KLF15: variants seen among roughly 807,000 people sequenced by gnomAD.
KLF15 encodes Krueppel-like factor 15.
Under a neutral mutation model 24.6 loss-of-function variants are expected in KLF15, and 4 were observed. The observed-to-expected ratio is 0.16, with a 90% confidence interval of 0.08 to 0.37. The LOEUF (loss-of-function observed/expected upper bound fraction) is 0.37, where lower values mean the gene tolerates loss of function less well. Ranked by LOEUF, KLF15 falls within the 10% of genes least tolerant of loss-of-function variation. KLF15 has a pLI of 1.00. For missense variants in KLF15, 496 were observed against 560.6 expected (o/e 0.88, Z 1.16); for synonymous variants, 246 against 236.3 (o/e 1.04, Z -0.37).
At chr3:126,302,819 T>C in the KLF15 span, among the ~76,000 whole-genome samples, 1 of 152,170 alleles carries the variant, frequency 6.6e-6, no homozygotes, top group Non-Finnish European at 1.5e-5. Flanking sequence ...TATAGTAGCA[T>C]ACACTTGAGT....
chr3:126,291,268 T>C, the KLF15 span: 2 of 152,106 alleles, frequency 1.3e-5, no homozygotes, highest in Non-Finnish European at 2.9e-5. Context: ...AGGGCAAAAA[T>C]AGAAGACTTG....
At chr3:126,332,149 C>T in the KLF15 span, among the ~76,000 whole-genome samples, 6 of 152,182 alleles carry the variant, frequency 3.9e-5, no homozygotes, top group African/African-American at 1.4e-4. Context: ...CAGCAGTAAC[C>T]TCTGCAGACT....
At chr3:126,308,327 A>G in the KLF15 span, among the ~76,000 whole-genome samples, 1 of 152,156 alleles carries the variant, frequency 6.6e-6, no homozygotes, top group South Asian at 2.1e-4. Context: ...ATGGGGAGGC[A>G]GGGCCGGCCT....
intron 2 of KLF15, among the ~76,000 whole-genome samples, chr3:126,350,352 C>T (rs893832403): frequency 6.6e-6 from 1 of 152,200 alleles, no homozygotes; most frequent in Non-Finnish European, 1.5e-5. Flanking sequence ...AGGGTGGGCT[C>T]TCACAGAAGC....
Position 126,343,576 on chromosome 3 carries a change from G to A in KLF15, c.*151C>T, listed in dbSNP as rs1256243715. The A allele has an allele frequency of 1.1e-5, 8 of 733,588 alleles. No individual in the cohort carries two copies. The highest frequency in any genetic ancestry group is 1.5e-5 in the Non-Finnish European group (7 of 454,960). 45.4% of individuals were successfully genotyped at this position (733,588 alleles called of 1,614,324 possible). On this transcript the variant is annotated 3_prime_UTR_variant, in exon 3 of 3. Transcript: ENST00000296233. Reference sequence around the variant, plus strand: ...AGTACTCCCGAGAAAGGCAGCGGTTGGCGGGCCCTGGGTTCACACCTCCCA... The same window carrying A: ...AGTACTCCCGAGAAAGGCAGCGGTTAGCGGGCCCTGGGTTCACACCTCCCA...
chr3:126,318,997 G>C, the KLF15 span, among the ~76,000 whole-genome samples: 2 of 152,182 alleles, frequency 1.3e-5, no homozygotes, highest in Non-Finnish European at 2.9e-5. Flanking sequence ...CCACTGATCT[G>C]TTTCCTGTCT....
At position 126,357,252 on chromosome 3, in the gene KLF15, G is replaced by T. The variant is rs2082641098; in HGVS notation, c.-41C>A. ...CCTCTCCCACCTGAACTTGGCGCAC[G>T]CCGGACCGGCGGCCAGGCCCCGGCG... On this transcript the variant is annotated 5_prime_UTR_variant, in exon 1 of 3. Transcript: ENST00000296233. The T allele has an allele frequency of 6.7e-6, 1 of 149,076 alleles. No homozygotes were observed. Among genetic ancestry groups the T allele is most frequent in the Admixed American group, 6.7e-5 (1 of 15,012 alleles). 9.2% of individuals were successfully genotyped at this position (149,076 alleles called of 1,614,324 possible). A position where few individuals can be genotyped will look rare whatever the true frequency, so the allele number is the denominator to read the frequency against.
chr3:126,352,668 C>T lies in KLF15; in HGVS notation c.255G>A (p.Thr85=), dbSNP rs1262879992. ...SILDFLLSQA[T]LGSGGGSGSS... is the part of the protein sequence containing the mutation. The stretch of plus-strand genomic sequence containing the variant: ...TGCCGCTGCCCCCGCCACTGCCCAG[C>T]GTGGCCTGGGACAATAGGAAGTCCA... The change falls in exon 2 of 3, where the codon ACG becomes ACA. Residue 85 remains threonine, a synonymous_variant. Coordinates refer to ENST00000296233, the MANE Select transcript of KLF15 (RefSeq NM_014079.4). 8.1e-6 allele frequency: 13 copies of T among 1,598,322 alleles called. No individual in the cohort carries two copies. The highest frequency in any genetic ancestry group is 2.3e-5 in the East Asian group (1 of 44,106).
the KLF15 span, among the ~76,000 whole-genome samples, chr3:126,323,429 ATATATAACATATATATGT>A: frequency 6.4e-3 from 316 of 49,058 alleles, 10 homozygotes; most frequent in African/African-American, 0.019. Flanking sequence ...ATATATATAT[ATATATAACATATATATGT>A]TATATATATA....
chr3:126,352,474 T>G lies in KLF15; in HGVS notation c.449A>C (p.Glu150Ala). The G allele has an allele frequency of 1.9e-6, 3 of 1,613,486 alleles. No homozygotes were observed. The highest frequency in any genetic ancestry group is 2.5e-6 in the Non-Finnish European group (3 of 1,180,010). ...CTCCTTGACTCCAGGCTCCATGTTC[T>G]CCTCCAGAAACTCTTCAATCTCCTC... ...TLEEIEEFLE[E>A]NMEPGVKEVP... The change falls in exon 2 of 3, where the codon GAG (glutamate) becomes GCG (alanine). Residue 150 changes from glutamate to alanine, a missense_variant. By Grantham distance (107) the Glu-to-Ala change is moderately radical (BLOSUM62 -1). Transcript: ENST00000296233.
At chr3:126,296,832 C>G in the KLF15 span, among the ~76,000 whole-genome samples, 2 of 152,214 alleles carry the variant, frequency 1.3e-5, no homozygotes, top group African/African-American at 4.8e-5. Flanking sequence ...ATATTCATCT[C>G]CTTTCTTCTT....
chr3:126,317,419 A>G, the KLF15 span, among the ~76,000 whole-genome samples: 2 of 152,140 alleles, frequency 1.3e-5, no homozygotes, highest in Admixed American at 6.5e-5. Context: ...AAAAAACCTG[A>G]AACTGGTGAT....
At chr3:126,319,361 C>T in the KLF15 span, among the ~76,000 whole-genome samples, 25 of 152,172 alleles carry the variant, frequency 1.6e-4, no homozygotes, top group Non-Finnish European at 2.8e-4. Context: ...AAGAAATTGA[C>T]GAGTTGTCTT....
the KLF15 span, among the ~76,000 whole-genome samples, chr3:126,331,602 TG>T: frequency 4.6e-5 from 7 of 151,978 alleles, no homozygotes; most frequent in African/African-American, 1.7e-4. Context: ...AAATGTCTAG[TG>T]GGGGGGAGGA....
At chr3:126,301,537 C>T in the KLF15 span, among the ~76,000 whole-genome samples, 1 of 152,030 alleles carries the variant, frequency 6.6e-6, no homozygotes, top group Non-Finnish European at 1.5e-5. Flanking sequence ...CACTCTCTCA[C>T]CCTCTCTGTT....
chr3:126,338,579 C>T (rs2082456392), downstream of KLF15, among the ~76,000 whole-genome samples: 3 of 152,192 alleles, frequency 2.0e-5, no homozygotes, highest in South Asian at 6.2e-4. Context: ...ACACAATTTC[C>T]CTGTCTGTTC....
At chr3:126,348,974 G>T (rs2082559728) in intron 2 of KLF15, among the ~76,000 whole-genome samples, 1 of 152,132 alleles carries the variant, frequency 6.6e-6, no homozygotes, top group South Asian at 2.1e-4. Flanking sequence ...ACAGTGAGTG[G>T]TCAGTAAATA....
At chr3:126,308,498 C>T in the KLF15 span, among the ~76,000 whole-genome samples, 4 of 152,164 alleles carry the variant, frequency 2.6e-5, no homozygotes, top group South Asian at 2.1e-4. Flanking sequence ...CGGTGTCTGC[C>T]GCAGGCAGTG....
At chr3:126,296,805 C>T in the KLF15 span, among the ~76,000 whole-genome samples, 2 of 152,188 alleles carry the variant, frequency 1.3e-5, no homozygotes, top group Admixed American at 1.3e-4. Flanking sequence ...GTTGTTATTG[C>T]TCATTATTTT....
Sources: gnomAD v4.1 joint callset for allele counts (sites outside exome capture counted in the v4.1 genomes callset) on GRCh38, gnomAD v4.1.1 for gene constraint, MANE v1.5 for transcripts, NCBI Gene and HGNC (gene_info 2026-07-23, HGNC 2026-07-21) for gene names.